The following KLC2 variants were observed in gnomAD, a reference collection of about 807,000 sequenced individuals.
The protein encoded by KLC2 is KLC 2.
In KLC2, 35 loss-of-function variants were observed where a neutral mutation model predicts 75.1. The ratio of observed to expected loss-of-function variants is 0.47; its 90% CI spans 0.36 to 0.62. KLC2 has a LOEUF of 0.62. KLC2 is among the 20% of genes least tolerant of loss of function. KLC2 has a pLI of 0.00. For synonymous variants in KLC2, 314 were observed against 336.7 expected (o/e 0.93, Z 0.74); for missense variants, 611 against 833.2 (o/e 0.73, Z 3.28).
the KLC2 span, among the ~76,000 whole-genome samples, chr11:66,247,118 C>G: frequency 6.6e-6 from 1 of 152,308 alleles, no homozygotes; most frequent in East Asian, 1.9e-4. Context: ...GAATCCTCCT[C>G]GATTCCTGTT....
Position 66,264,905 on chromosome 11 carries a change from T to C in KLC2, c.1217-118T>C, listed in dbSNP as rs1039174551. Reference sequence around the variant, plus strand: ...AGCAGTGTTTTGGGTCTTACTCTTGTTCATGCATTCAACGAAGCCCAACCG... The same window carrying C: ...AGCAGTGTTTTGGGTCTTACTCTTGCTCATGCATTCAACGAAGCCCAACCG... On this transcript the variant is annotated intron_variant, in intron 9 of 15. Coordinates refer to ENST00000394067, the MANE Select transcript of KLC2 (RefSeq NM_001318734.2). 8.1e-6 allele frequency: 7 copies of C among 863,328 alleles called. No individual in the cohort carries two copies. In the African/African-American group the frequency reaches 8.5e-5, roughly 10 times the overall value. 53.5% of individuals were successfully genotyped at this position (863,328 alleles called of 1,614,324 possible). A position where few individuals can be genotyped will look rare whatever the true frequency, so the allele number is the denominator to read the frequency against.
In KLC2 at chr11:66,263,726, A is replaced by C; in HGVS notation, c.819A>C (p.Thr273=). Residue 273 remains threonine (T), a synonymous_variant, in exon 6 of 16, where the codon ACA becomes ACC. Transcript: ENST00000394067. ...LNDALAIREK[T]LGKDHPAVAA... Reference sequence around the variant, plus strand: ...ATGCTCTGGCCATCCGGGAGAAAACACTGGGCAAGGACCACCCAGCCGTGA... The same window carrying C: ...ATGCTCTGGCCATCCGGGAGAAAACCCTGGGCAAGGACCACCCAGCCGTGA... The C allele has an allele frequency of 6.2e-7, 1 of 1,613,882 alleles. No homozygotes were observed. Among genetic ancestry groups the C allele is most frequent in the Non-Finnish European group, 8.5e-7 (1 of 1,179,814 alleles).
rs1000423122 is a variant in KLC2 at position 66,267,715 on chromosome 11, T to C, written c.*759T>C. On this transcript the variant is annotated 3_prime_UTR_variant, in exon 16 of 16. Coordinates refer to ENST00000394067, the MANE Select transcript of KLC2 (RefSeq NM_001318734.2). Reference sequence around the variant, plus strand: ...CCGGGCACCGCCCACCGAGCCATCCTGCCTCGCCTCCCCCCACGCCTGCAG... The same window carrying C: ...CCGGGCACCGCCCACCGAGCCATCCCGCCTCGCCTCCCCCCACGCCTGCAG... 5 of 417,948 alleles carry C rather than the reference T, an allele frequency of 1.2e-5. No homozygotes were observed. The highest frequency in any genetic ancestry group is 2.2e-5 in the Non-Finnish European group (5 of 230,708). 25.9% of individuals were successfully genotyped at this position (417,948 alleles called of 1,614,324 possible).
the KLC2 span, among the ~76,000 whole-genome samples, chr11:66,249,423 A>G: frequency 1.3e-5 from 2 of 152,142 alleles, no homozygotes; most frequent in Non-Finnish European, 2.9e-5. Flanking sequence ...GCTGTACAGG[A>G]GGTTTCAGAC....
chr11:66,261,854 C>T lies in KLC2; in HGVS notation c.341C>T (p.Ala114Val), dbSNP rs373637724. 49 of 1,613,710 alleles carry T rather than the reference C, an allele frequency of 3.0e-5. No individual in the cohort carries two copies. Among genetic ancestry groups the T allele is most frequent in the Non-Finnish European group, 4.0e-5 (47 of 1,179,908 alleles). The change falls in exon 3 of 16, where the codon GCG becomes GTG. Residue 114 changes from alanine to valine, a missense_variant. Transcript: ENST00000394067. Reference sequence around the variant, plus strand: ...AACCAGTGGCTGCGTGAGGAGCTGGCGGGGACACAGCAGAAGCTGCAGCGC... The same window carrying T: ...AACCAGTGGCTGCGTGAGGAGCTGGTGGGGACACAGCAGAAGCTGCAGCGC... ...QENQWLREEL[A>V]GTQQKLQRSE... is the part of the protein sequence containing the mutation.
intron 5 of KLC2, among the ~76,000 whole-genome samples, chr11:66,263,310 CAA>C (rs1856570413): frequency 6.6e-6 from 1 of 152,142 alleles, no homozygotes; most frequent in African/African-American, 2.4e-5. Flanking sequence ...TGCCCAAACA[CAA>C]GAGGGCTAGA....
chr11:66,259,354 T>C (rs1856231179), intron 2 of KLC2, among the ~76,000 whole-genome samples: 1 of 152,218 alleles, frequency 6.6e-6, no homozygotes, highest in African/African-American at 2.4e-5. Context: ...CAGGCAGGAC[T>C]TCTGTGAGGA....
At position 66,265,178 on chromosome 11, in the gene KLC2, G is replaced by A. The variant is rs143495132; in HGVS notation, c.1277G>A (p.Arg426Gln). The A allele has an allele frequency of 2.4e-4, 393 of 1,613,656 alleles. 1 individual carries two copies. In the East Asian group the frequency reaches 5.9e-3, roughly 24 times the overall value. ...CATTCTTTCCTCCAGGATAAGCGCC[G>A]GGACAGCGCCCCCTATGGGGAATAC... is the stretch of plus-strand genomic sequence containing the variant. Reference protein sequence around the residue: ...EEREESKDKRRDSAPYGEYGS... With the variant: ...EEREESKDKRQDSAPYGEYGS... The change falls in exon 11 of 16, where the codon CGG (arginine) becomes CAG (glutamine). Residue 426 changes from arginine (R) to glutamine (Q), a missense_variant. By Grantham distance (43) the Arg-to-Gln change is conservative. Coordinates refer to ENST00000394067, the MANE Select transcript of KLC2 (RefSeq NM_001318734.2).
At chr11:66,254,343 C>T (rs1846194557), upstream of KLC2, among the ~76,000 whole-genome samples, 2 of 151,924 alleles carry the variant, frequency 1.3e-5, no homozygotes, top group African/African-American at 2.4e-5. Context: ...ATCCAGGGCG[C>T]ACAGCACAGG....
chr11:66,267,811 C>G lies in KLC2; in HGVS notation c.*855C>G. 3.3e-6 allele frequency: 1 copy of G among 303,116 alleles called. No individual in the cohort carries two copies. The highest frequency in any genetic ancestry group is 5.2e-6 in the Non-Finnish European group (1 of 191,902). 18.8% of individuals were successfully genotyped at this position (303,116 alleles called of 1,614,324 possible). A position where few individuals can be genotyped will look rare whatever the true frequency, so the allele number is the denominator to read the frequency against. The stretch of plus-strand genomic sequence containing the variant: ...CCCCCTGTTGCGGGTGAGGCGGCTG[C>G]TCTCATATTTTCAGATGTTGCTGTA... On this transcript the variant is annotated 3_prime_UTR_variant, in exon 16 of 16. Coordinates refer to ENST00000394067, the MANE Select transcript of KLC2 (RefSeq NM_001318734.2).
the KLC2 span, among the ~76,000 whole-genome samples, chr11:66,251,469 G>A: frequency 4.4e-5 from 6 of 135,260 alleles, 1 homozygote; most frequent in Non-Finnish European, 1.0e-4. Flanking sequence ...TCCAGCCTGG[G>A]CAGGCGACAG....
rs1321556859 is a variant in KLC2 at position 66,262,920 on chromosome 11, C to G, written c.636C>G (p.Gly212=). The G allele has an allele frequency of 6.2e-7, 1 of 1,613,950 alleles. No individual in the cohort carries two copies. The highest frequency in any genetic ancestry group is 2.2e-5 in the East Asian group (1 of 44,882). ...TGGTGATCCAATACGCCTCACAGGGCCGCTACGAGGTAGCTGTGCCACTCT... is the reference window on the plus strand; with the variant it reads ...TGGTGATCCAATACGCCTCACAGGGGCGCTACGAGGTAGCTGTGCCACTCT... ...HNLVIQYASQ[G]RYEVAVPLCK... The change falls in exon 5 of 16, where the codon GGC becomes GGG. Residue 212 remains glycine, a synonymous_variant. Coordinates refer to ENST00000394067, the MANE Select transcript of KLC2 (RefSeq NM_001318734.2).
rs772874380 is a variant in KLC2 at position 66,266,993 on chromosome 11, G to A, written c.*37G>A. ...CAGCCAGTCACCAGAGCGCCCACCT[G>A]GCACACCCCCCTCACCCCAGCCCTG... is the stretch of plus-strand genomic sequence containing the variant. On this transcript the variant is annotated 3_prime_UTR_variant, in exon 16 of 16. Transcript: ENST00000394067. 6.2e-7 allele frequency: 1 copy of A among 1,607,974 alleles called. No individual in the cohort carries two copies. Among genetic ancestry groups the A allele is most frequent in the Non-Finnish European group, 8.5e-7 (1 of 1,179,772 alleles).
the KLC2 span, among the ~76,000 whole-genome samples, chr11:66,248,950 A>G: frequency 6.6e-6 from 1 of 152,088 alleles, no homozygotes; most frequent in African/African-American, 2.4e-5. Flanking sequence ...AGGGTCTTGA[A>G]CTGACCTCAG....
Position 66,267,482 on chromosome 11 carries a change from T to C in KLC2, c.*526T>C, listed in dbSNP as rs764686051. ...GTGGTATCTCCCAGGCTCTACATTC[T>C]CGGGAGCGGCGCCTCCCAAGGGGGT... On this transcript the variant is annotated 3_prime_UTR_variant, in exon 16 of 16. Transcript: ENST00000394067. 2 of 702,646 alleles carry C rather than the reference T, an allele frequency of 2.8e-6. No individual in the cohort carries two copies. The highest frequency in any genetic ancestry group is 3.0e-5 in the South Asian group (2 of 66,808). The allele number at this position is 702,646 out of a possible 1,614,324, so 43.5% of individuals were successfully genotyped here.
upstream of KLC2, among the ~76,000 whole-genome samples, chr11:66,254,934 A>G (rs1002433751): frequency 9.9e-5 from 15 of 152,146 alleles, no homozygotes; most frequent in African/African-American, 3.6e-4. Context: ...CAAAAAAAAA[A>G]AAGTCCCAAG....
Position 66,264,416 on chromosome 11 carries a change from T to G in KLC2, c.1188T>G (p.Ala396=). 6.2e-7 allele frequency: 1 copy of G among 1,613,544 alleles called. No individual in the cohort carries two copies. The highest frequency in any genetic ancestry group is 8.5e-7 in the Non-Finnish European group (1 of 1,179,764). The change falls in exon 9 of 16, where the codon GCT becomes GCG. Residue 396 remains alanine, a synonymous_variant. Coordinates refer to ENST00000394067, the MANE Select transcript of KLC2 (RefSeq NM_001318734.2). ...TGTACAAGGAGATCCTCACCCGCGC[T>G]CATGAGAAAGAGTTTGGCTCTGTCA... ...ETLYKEILTR[A]HEKEFGSVNG...
At chr11:66,244,460 C>G in the KLC2 span, 1 of 152,364 alleles carries the variant, frequency 6.6e-6, no homozygotes, top group East Asian at 1.9e-4. Flanking sequence ...GACACAGGGC[C>G]CCAGCCCAGC....
rs538134392 is a variant in KLC2 at position 66,267,500 on chromosome 11, A to G, written c.*544A>G. Reference sequence around the variant, plus strand: ...TACATTCTCGGGAGCGGCGCCTCCCAAGGGGGTCCTGGGACCTTCTCGCGC... The same window carrying G: ...TACATTCTCGGGAGCGGCGCCTCCCGAGGGGGTCCTGGGACCTTCTCGCGC... On this transcript the variant is annotated 3_prime_UTR_variant, in exon 16 of 16. Coordinates refer to ENST00000394067, the MANE Select transcript of KLC2 (RefSeq NM_001318734.2). 8.7e-6 allele frequency: 6 copies of G among 693,470 alleles called. No individual in the cohort carries two copies. The South Asian group carries it at 9.3e-5, about 11-fold the overall frequency. 43.0% of individuals were successfully genotyped at this position (693,470 alleles called of 1,614,324 possible). A position where few individuals can be genotyped will look rare whatever the true frequency, so the allele number is the denominator to read the frequency against.
Sources: gnomAD v4.1 joint callset for allele counts (sites outside exome capture counted in the v4.1 genomes callset) on GRCh38, gnomAD v4.1.1 for gene constraint, MANE v1.5 for transcripts, NCBI Gene and HGNC (gene_info 2026-07-23, HGNC 2026-07-21) for gene names.